Variants in PYGL observed in about 807,000 individuals in gnomAD.
PYGL encodes the protein glycogen phosphorylase, liver form.
A neutral mutation model predicts 100.1 loss-of-function variants in PYGL; 90 were observed. The ratio of observed to expected loss-of-function variants is 0.90; its 90% CI spans 0.76 to 1.07. The LOEUF is 1.07. Among genes scored for constraint, PYGL ranks in the 50% least tolerant of loss-of-function variants. The pLI, the probability that PYGL is intolerant of heterozygous loss-of-function variation, is 0.00. For missense variants in PYGL, 1,016 were observed against 1,057.6 expected (o/e 0.96, Z 0.55); for synonymous variants, 373 against 393.0 (o/e 0.95, Z 0.60).
Position 50,915,402 on chromosome 14 carries a change from C to T in PYGL, c.1337G>A (p.Cys446Tyr). The T allele has an allele frequency of 6.2e-7, 1 of 1,614,200 alleles. No individual in the cohort carries two copies. The highest frequency in any genetic ancestry group is 8.5e-7 in the Non-Finnish European group (1 of 1,180,036). Residue 446 changes from cysteine (C) to tyrosine (Y), a missense_variant, in exon 11 of 20, where the codon TGC (cysteine) becomes TAC (tyrosine). By Grantham distance (194) the Cys-to-Tyr change is radical. Transcript: ENST00000216392. ...ATTCACAGCATGGGAACCGACAATG[C>T]AGAGATGGGCCATGTTGATCCTTTT... ...GSKRINMAHL[C>Y]IVGSHAVNGV...
At chr14:50,905,673 A>G in intron 19 of PYGL, 117 bp from the exon 20 acceptor site, 1 of 998,574 alleles carries the variant, frequency 1.0e-6, no homozygotes, top group Non-Finnish European at 1.6e-6. Flanking sequence ...GGAATAAATT[A>G]TAGTAAATTA....
At chr14:50,919,105 T>G (rs1045000445) in intron 7 of PYGL, among the ~76,000 whole-genome samples, 9 of 152,172 alleles carry the variant, frequency 5.9e-5, no homozygotes, top group African/African-American at 2.2e-4. Context: ...TCTAGTCAAT[T>G]TTTTACCCCA....
At chr14:50,929,523 A>G (rs1255695243) in intron 4 of PYGL, among the ~76,000 whole-genome samples, 4 of 152,210 alleles carry the variant, frequency 2.6e-5, no homozygotes, top group Non-Finnish European at 4.4e-5. Context: ...GTGACCCTTC[A>G]TAAAACGTAA....
At chr14:50,925,894 A>G (rs1165729025) in intron 4 of PYGL, among the ~76,000 whole-genome samples, 1 of 152,182 alleles carries the variant, frequency 6.6e-6, no homozygotes, top group African/African-American at 2.4e-5. Flanking sequence ...AGAAAGTCAC[A>G]TCTTCTTAAA....
chr14:50,935,273 G>A (rs2050644574), intron 2 of PYGL, 88 bp from the exon 3 acceptor site: 1 of 1,092,964 alleles, frequency 9.1e-7, no homozygotes, highest in South Asian at 1.3e-5. Flanking sequence ...CTGGGTAAAG[G>A]TATTCAGGTT....
At chr14:50,928,403 C>G (rs923024835) in intron 4 of PYGL, among the ~76,000 whole-genome samples, 1 of 152,066 alleles carries the variant, frequency 6.6e-6, no homozygotes, top group Non-Finnish European at 1.5e-5. Context: ...CTGGCTATTA[C>G]GAACTTGGTG....
intron 9 of PYGL, 94 bp downstream of exon 9, chr14:50,916,548 C>T (rs1373379781): frequency 8.6e-7 from 1 of 1,157,994 alleles, no homozygotes; most frequent in Non-Finnish European, 1.3e-6. Context: ...GCAACAATAA[C>T]TTACTTTGAA....
chr14:50,914,774 T>C lies in PYGL; in HGVS notation c.1445A>G (p.Asn482Ser). 3.7e-6 allele frequency: 6 copies of C among 1,614,108 alleles called. No homozygotes were observed. Among genetic ancestry groups the C allele is most frequent in the Non-Finnish European group, 5.1e-6 (6 of 1,179,956 alleles). Residue 482 changes from asparagine (N) to serine (S), a missense_variant, in exon 12 of 20, where the codon AAT becomes AGT. Physicochemically the swap from Asn to Ser is conservative, Grantham distance 46. Transcript: ENST00000216392. ...CCTTGGAGTGATCCCATTGGTTTTA[T>C]TCTGAAACTTGTCAGGTTCTAGCTC... ...FSELEPDKFQ[N>S]KTNGITPRRW...
At chr14:50,920,665 A>G (rs1483211627) in intron 6 of PYGL, 42 bp from the exon 7 acceptor site, 2 of 1,550,304 alleles carry the variant, frequency 1.3e-6, no homozygotes, top group Non-Finnish European at 8.9e-7. Flanking sequence ...GAAACCAGCC[A>G]TTGTTGTTGG....
chr14:50,919,263 C>T (rs1465099060), intron 7 of PYGL, among the ~76,000 whole-genome samples: 1 of 152,194 alleles, frequency 6.6e-6, no homozygotes. Context: ...TGGAAGAACT[C>T]TTACTTTGAC....
chr14:50,912,415 G>A, intron 13 of PYGL, 112 bp from the exon 14 acceptor site: 1 of 1,364,046 alleles, frequency 7.3e-7, no homozygotes, highest in Non-Finnish European at 1.0e-6. Context: ...CTGGAGTGCA[G>A]TGGCATGATC....
At chr14:50,925,607 C>T (rs1274264485) in intron 4 of PYGL, among the ~76,000 whole-genome samples, 2 of 152,166 alleles carry the variant, frequency 1.3e-5, no homozygotes, top group South Asian at 2.1e-4. Context: ...ATAAACACAG[C>T]CACTATCTTT....
chr14:50,930,081 T>C (rs960575507), intron 4 of PYGL, among the ~76,000 whole-genome samples: 1 of 152,180 alleles, frequency 6.6e-6, no homozygotes, highest in Non-Finnish European at 1.5e-5. Context: ...ATCCTCTACT[T>C]ATAGGTAACA....
chr14:50,915,229 C>A, intron 11 of PYGL, 107 bp downstream of exon 11: 8 of 1,275,816 alleles, frequency 6.3e-6, no homozygotes, highest in Admixed American at 1.8e-5. Context: ...TACTTTTAAA[C>A]ATTTGAACAA....
Position 50,908,312 on chromosome 14 carries a change from C to G in PYGL, c.2338G>C (p.Ala780Pro). ...DRFKVFADYE[A>P]YVKCQDKVSQ... ...ACTTTATCTTGACACTTGACATAGG[C>G]TTCGTAGTCTGCAAAGACTTTAAAC... Residue 780 changes from alanine to proline, a missense_variant, in exon 19 of 20, where the codon GCC becomes CCC. Physicochemically the swap from Ala to Pro is conservative, Grantham distance 27. Transcript: ENST00000216392. 6.2e-7 allele frequency: 1 copy of G among 1,604,578 alleles called. No homozygotes were observed. The highest frequency in any genetic ancestry group is 8.5e-7 in the Non-Finnish European group (1 of 1,171,378).
At chr14:50,919,840 C>T (rs1181856161) in intron 7 of PYGL, among the ~76,000 whole-genome samples, 1 of 152,086 alleles carries the variant, frequency 6.6e-6, no homozygotes, top group Non-Finnish European at 1.5e-5. Context: ...TACCATCACA[C>T]CTGGCTAATT....
chr14:50,926,414 T>A (rs1266230758), intron 4 of PYGL, among the ~76,000 whole-genome samples: 1 of 151,860 alleles, frequency 6.6e-6, no homozygotes, highest in African/African-American at 2.4e-5. Context: ...GTTTGCCAGT[T>A]GTCAAGAAGC....
Position 50,944,324 on chromosome 14 carries a change from T to C in PYGL, c.80A>G (p.Glu27Gly). ...RGIVGVENVAELKKSFNRHLH... is the reference protein window; with the variant it reads ...RGIVGVENVAGLKKSFNRHLH... ...GTGCCGGTTGAAACTCTTCTTCAGC[T>C]CTGCCACGTTCTCCACGCCCACGAT... Residue 27 changes from glutamate to glycine, a missense_variant, in exon 1 of 20, where the codon GAG (glutamate) becomes GGG (glycine). By Grantham distance (98) the Glu-to-Gly change is moderately conservative (BLOSUM62 -2). Coordinates refer to ENST00000216392, the MANE Select transcript of PYGL (RefSeq NM_002863.5). 6.2e-7 allele frequency: 1 copy of C among 1,613,978 alleles called. No individual in the cohort carries two copies.
chr14:50,926,712 T>C (rs1349727854), intron 4 of PYGL, among the ~76,000 whole-genome samples: 1 of 102,280 alleles, frequency 9.8e-6, no homozygotes. Flanking sequence ...GGAGACAGAG[T>C]GAGACTCTGT....
Sources: allele counts gnomAD v4.1 joint callset (sites outside exome capture counted in the v4.1 genomes callset), GRCh38; gene constraint gnomAD v4.1.1; transcripts MANE v1.5; gene names NCBI Gene and HGNC (gene_info 2026-07-23, HGNC 2026-07-21).